The following NPHP1 variants were observed in gnomAD, a reference collection of about 807,000 sequenced individuals.
NPHP1 encodes the protein nephrocystin-1.
In NPHP1, 70 loss-of-function variants were observed where a neutral mutation model predicts 90.4. The ratio of observed to expected loss-of-function variants is 0.77; its 90% confidence interval spans 0.64 to 0.95. The LOEUF is 0.95. Ranked by LOEUF, NPHP1 falls within the 40% of genes least tolerant of loss-of-function variation. NPHP1 has a pLI of 0.00. For missense variants in NPHP1, 764 were observed against 795.9 expected, an observed-to-expected ratio of 0.96 and a Z score of 0.48; for synonymous variants, 256 against 271.7, an observed-to-expected ratio of 0.94 and a Z score of 0.57.
chr2:110,194,005 G>A (rs1359561698), intron 2 of NPHP1, among the ~76,000 whole-genome samples: 3 of 152,018 alleles, frequency 2.0e-5, no homozygotes, highest in Non-Finnish European at 4.4e-5. Context: ...CACATTTAAA[G>A]CTGTGTGTAG....
Position 110,123,914 on chromosome 2 carries a change from C to T in NPHP1, c.1911G>A (p.Lys637=). 1 of 1,614,102 alleles carries T rather than the reference C, an allele frequency of 6.2e-7. No individual in the cohort carries two copies. Among genetic ancestry groups the T allele is most frequent in the Non-Finnish European group, 8.5e-7 (1 of 1,180,008 alleles). Residue 637 remains lysine, a synonymous_variant, in exon 20 of 20, where the codon AAG becomes AAA. Coordinates refer to ENST00000445609, the MANE Select transcript of NPHP1 (RefSeq NM_001128178.3). ...GGGCGCCCTGGTTTTCTTGGTTTTGCTTAAGGAAGTCAGTGATAACTTTCC... is the reference window on the plus strand; with the variant it reads ...GGGCGCCCTGGTTTTCTTGGTTTTGTTTAAGGAAGTCAGTGATAACTTTCC... ...ARWKVITDFL[K]QNQENQGALQ...
At chr2:110,203,411 TA>T (rs1375683263) in intron 1 of NPHP1, among the ~76,000 whole-genome samples, 1 of 152,118 alleles carries the variant, frequency 6.6e-6, no homozygotes, top group Admixed American at 6.6e-5. Flanking sequence ...GAATCTAAAA[TA>T]AAAGTTGAAA....
chr2:110,150,472 T>A (rs754913403), intron 11 of NPHP1, among the ~76,000 whole-genome samples: 3 of 152,174 alleles, frequency 2.0e-5, no homozygotes, highest in Non-Finnish European at 4.4e-5. Context: ...TAGTAATAAA[T>A]TATATTAAGT....
intron 17 of NPHP1, among the ~76,000 whole-genome samples, chr2:110,130,972 A>G (rs1390217146): frequency 6.6e-6 from 1 of 152,156 alleles, no homozygotes; most frequent in Admixed American, 6.5e-5. Context: ...TGCCTGTCTC[A>G]TTCATCACTG....
At chr2:110,191,727 C>T (rs1244977275) in intron 2 of NPHP1, among the ~76,000 whole-genome samples, 1 of 152,132 alleles carries the variant, frequency 6.6e-6, no homozygotes, top group Admixed American at 6.5e-5. Flanking sequence ...GGTCCCTGAC[C>T]CCCAAGTAGC....
Position 110,143,548 on chromosome 2 carries a change from A to C in NPHP1, c.1523T>G (p.Val508Gly), listed in dbSNP as rs951115963. The change falls in exon 16 of 20, where the codon GTA becomes GGA. Residue 508 changes from valine (V) to glycine (G), a missense_variant. By Grantham distance (109) the Val-to-Gly change is moderately radical (BLOSUM62 -3). Transcript: ENST00000445609. Reference protein sequence around the residue: ...LRSLNRRSRNVLSLLPETLIG... With the variant: ...LRSLNRRSRNGLSLLPETLIG... ...GGTAAAAGCAGGTACCCACCTTAGT[A>C]CATTTCTTGATCTTCTGTTCAAGGA... The C allele has an allele frequency of 1.1e-5, 17 of 1,609,154 alleles. No homozygotes were observed. In the Admixed American group the frequency reaches 1.5e-4, roughly 14 times the overall value.
chr2:110,136,411 T>C (rs867090285), intron 16 of NPHP1, among the ~76,000 whole-genome samples: 1 of 152,138 alleles, frequency 6.6e-6, no homozygotes, highest in African/African-American at 2.4e-5. Context: ...CATGATTGTA[T>C]ATCTAGAAAA....
chr2:110,141,972 CAA>C (rs397934223), intron 16 of NPHP1, among the ~76,000 whole-genome samples: 8 of 94,234 alleles, frequency 8.5e-5, no homozygotes, highest in Non-Finnish European at 1.1e-4. Context: ...GACTCTGTCT[CAA>C]AAAAAAAAAA....
At chr2:110,135,701 CAA>C (rs1482304772) in intron 16 of NPHP1, among the ~76,000 whole-genome samples, 1 of 152,000 alleles carries the variant, frequency 6.6e-6, no homozygotes, top group African/African-American at 2.4e-5. Context: ...AAAAACCTTA[CAA>C]ATGATATGTT....
intron 9 of NPHP1, 127 bp downstream of exon 9, chr2:110,162,921 A>T (rs1409811210): frequency 2.8e-6 from 2 of 725,926 alleles, no homozygotes; most frequent in African/African-American, 3.5e-5. Flanking sequence ...TGAGGAAAAG[A>T]TGAGCACCAA....
chr2:110,151,271 T>C lies in NPHP1; in HGVS notation c.1084-1015A>G, dbSNP rs548426077. Among the ~76,000 whole-genome samples the C allele has an allele frequency of 5.3e-5, 8 of 152,082 alleles. No homozygotes were observed. In the South Asian group the frequency reaches 1.5e-3, roughly 28 times the overall value. On this transcript the variant is annotated intron_variant, in intron 11 of 19. Transcript: ENST00000445609. ...AGTCCTAATAGTTCAGATACAGTTA[T>C]ATTTTTCCTCAAGATCTCTAGGCCC...
At chr2:110,184,883 G>C (rs1684175284) in intron 2 of NPHP1, 1 of 695,802 alleles carries the variant, frequency 1.4e-6, no homozygotes, top group Admixed American at 1.8e-5. Flanking sequence ...CTTGATCAGG[G>C]AGGAGAGTGA....
chr2:110,155,649 T>C (rs1681837446), intron 11 of NPHP1, among the ~76,000 whole-genome samples: 1 of 152,182 alleles, frequency 6.6e-6, no homozygotes, highest in Non-Finnish European at 1.5e-5. Context: ...GCTTTAAAAT[T>C]TGACTGTCCA....
chr2:110,199,039 T>C (rs927720348), intron 2 of NPHP1, among the ~76,000 whole-genome samples: 7 of 151,968 alleles, frequency 4.6e-5, no homozygotes, highest in Non-Finnish European at 1.0e-4. Flanking sequence ...AAAAGCCTCC[T>C]AGTCATGGAA....
At chr2:110,172,799 T>C (rs1358035161) in intron 4 of NPHP1, among the ~76,000 whole-genome samples, 1 of 151,964 alleles carries the variant, frequency 6.6e-6, no homozygotes, top group African/African-American at 2.4e-5. Flanking sequence ...AAACAAAAGA[T>C]AGAAATTTTC....
intron 11 of NPHP1, among the ~76,000 whole-genome samples, chr2:110,158,294 G>A (rs1449024160): frequency 6.6e-6 from 1 of 152,020 alleles, no homozygotes; most frequent in Non-Finnish European, 1.5e-5. Context: ...GAAGTGTTAT[G>A]TGAATATCAA....
intron 2 of NPHP1, chr2:110,185,111 A>G (rs1017554322): frequency 3.4e-6 from 2 of 586,770 alleles, no homozygotes; most frequent in Admixed American, 1.9e-5. Flanking sequence ...GACACCTTTA[A>G]GAAGATGTGG....
At position 110,164,252 on chromosome 2, in the gene NPHP1, G is replaced by A. The variant is rs943333714; in HGVS notation, c.771+436C>T. 5.2e-4 allele frequency: 247 copies of A among 475,066 alleles called. 2 individuals are homozygous for A. The highest frequency in any genetic ancestry group is 5.9e-4 in the Middle Eastern group (1 of 1,694). The allele number at this position is 475,066 out of a possible 1,614,324, so 29.4% of individuals were successfully genotyped here. On this transcript the variant is annotated intron_variant, in intron 8 of 19. Coordinates refer to ENST00000445609, the MANE Select transcript of NPHP1 (RefSeq NM_001128178.3). ...GGGTCTCACTATGTTGCTCAAGCTG[G>A]TCTTGAATTCCTGGCCTCAAGTGAT...
chr2:110,163,108 T>C lies in NPHP1; in HGVS notation c.799A>G (p.Thr267Ala). The C allele has an allele frequency of 6.2e-7, 1 of 1,613,264 alleles. No individual in the cohort carries two copies. Among genetic ancestry groups the C allele is most frequent in the South Asian group, 1.1e-5 (1 of 91,060 alleles). Residue 267 changes from threonine to alanine, a missense_variant, in exon 9 of 20, where the codon ACG becomes GCG. By Grantham distance (58) the Thr-to-Ala change is moderately conservative. Transcript: ENST00000445609. ...EQINTVDVLT[T>A]MGAIPAGFRP... is the part of the protein sequence containing the mutation. ...AACCCTGCAGGAATAGCTCCCATCGTAGTTAACACATCAACAGTGTTTATC... is the reference window on the plus strand; with the variant it reads ...AACCCTGCAGGAATAGCTCCCATCGCAGTTAACACATCAACAGTGTTTATC...
Sources: allele counts gnomAD v4.1 joint callset (sites outside exome capture counted in the v4.1 genomes callset), GRCh38; gene constraint gnomAD v4.1.1; transcripts MANE v1.5; gene names NCBI Gene and HGNC (gene_info 2026-07-23, HGNC 2026-07-21).